CPQ: variants seen among roughly 807,000 people sequenced by gnomAD.
The protein encoded by CPQ is carboxypeptidase Q.
A neutral mutation model predicts 45.7 loss-of-function variants in CPQ; 37 were observed. The observed-to-expected ratio is 0.81, with a 90% confidence interval of 0.62 to 1.07. The LOEUF is 1.07. CPQ is among the 50% of genes least tolerant of loss of function. The probability of loss-of-function intolerance (pLI) is 0.00; values close to 1 mark genes in which losing one functional copy is unlikely to be tolerated. For missense variants in CPQ, 537 were observed against 572.9 expected (o/e 0.94, Z 0.64); for synonymous variants, 186 against 205.8 (o/e 0.90, Z 0.82).
chr8:96,905,168 G>C (rs1812560250), intron 4 of CPQ, among the ~76,000 whole-genome samples: 1 of 152,094 alleles, frequency 6.6e-6, no homozygotes, highest in Admixed American at 6.6e-5. Context: ...AGGAGAAAGA[G>C]AGAGAGAGAG....
At chr8:96,879,096 GT>G (rs372147941) in intron 3 of CPQ, among the ~76,000 whole-genome samples, 2 of 152,144 alleles carry the variant, frequency 1.3e-5, no homozygotes, top group African/African-American at 4.8e-5. Flanking sequence ...AATTATAAGT[GT>G]TTCTATGAAT....
intron 4 of CPQ, among the ~76,000 whole-genome samples, chr8:96,921,035 G>A (rs1354606304): frequency 6.6e-6 from 1 of 152,062 alleles, no homozygotes; most frequent in Non-Finnish European, 1.5e-5. Flanking sequence ...TATCACACAC[G>A]CCATTTGAAC....
At chr8:96,675,842 G>C (rs1215286425) in intron 1 of CPQ, among the ~76,000 whole-genome samples, 2 of 151,776 alleles carry the variant, frequency 1.3e-5, no homozygotes, top group African/African-American at 4.8e-5. Context: ...ATATTTTCTT[G>C]CTTTTAGAAA....
At chr8:96,952,671 A>G (rs1412445276) in intron 4 of CPQ, among the ~76,000 whole-genome samples, 1 of 152,150 alleles carries the variant, frequency 6.6e-6, no homozygotes, top group South Asian at 2.1e-4. Flanking sequence ...TCTTATTTAG[A>G]AATGTCTACA....
chr8:96,902,243 T>C (rs928624926), intron 4 of CPQ, among the ~76,000 whole-genome samples: 2 of 152,194 alleles, frequency 1.3e-5, no homozygotes, highest in Admixed American at 1.3e-4. Flanking sequence ...TGATTTTATA[T>C]ATGTAAGTCG....
At chr8:96,880,089 G>A (rs1044312635) in intron 4 of CPQ, 84 bp downstream of exon 4, 5 of 1,175,852 alleles carry the variant, frequency 4.3e-6, no homozygotes, top group Non-Finnish European at 5.0e-6. Context: ...AAGAGAGAAC[G>A]TGAAACCACC....
chr8:96,937,000 G>A (rs1430590807), intron 4 of CPQ, among the ~76,000 whole-genome samples: 2 of 151,584 alleles, frequency 1.3e-5, no homozygotes, highest in African/African-American at 2.4e-5. Context: ...TCCCTCTCTG[G>A]GTATTCCCTC....
intron 6 of CPQ, among the ~76,000 whole-genome samples, chr8:97,039,359 G>C (rs78980789): frequency 4.2e-4 from 64 of 151,988 alleles, no homozygotes; most frequent in Non-Finnish European, 8.2e-4. Flanking sequence ...CAATTTCACT[G>C]TTTAACCACA....
intron 3 of CPQ, among the ~76,000 whole-genome samples, chr8:96,840,308 C>G (rs1228076109): frequency 1.3e-5 from 2 of 152,062 alleles, no homozygotes; most frequent in African/African-American, 2.4e-5. Context: ...AGGAAGAGAC[C>G]AGGCTTGAAG....
chr8:96,741,364 T>A (rs1261355533), intron 1 of CPQ, among the ~76,000 whole-genome samples: 1 of 152,182 alleles, frequency 6.6e-6, no homozygotes, highest in African/African-American at 2.4e-5. Flanking sequence ...TTCTTCTCTC[T>A]TTTTTTCTTT....
At chr8:96,849,966 A>G (rs966859976) in intron 3 of CPQ, among the ~76,000 whole-genome samples, 1 of 152,182 alleles carries the variant, frequency 6.6e-6, no homozygotes, top group African/African-American at 2.4e-5. Flanking sequence ...ACAAGGACAC[A>G]TTATTTTTTA....
intron 1 of CPQ, among the ~76,000 whole-genome samples, chr8:96,697,779 A>G (rs1320272063): frequency 6.6e-6 from 1 of 152,140 alleles, no homozygotes; most frequent in Non-Finnish European, 1.5e-5. Flanking sequence ...ATAAAATTAA[A>G]TACCTAGGAA....
chr8:96,944,629 G>A (rs1813166000), intron 4 of CPQ, among the ~76,000 whole-genome samples: 2 of 152,278 alleles, frequency 1.3e-5, no homozygotes, highest in East Asian at 1.9e-4. Flanking sequence ...TCCACTGTAC[G>A]AGAGTGGATA....
At chr8:96,807,222 G>GT (rs35734880) in intron 2 of CPQ, among the ~76,000 whole-genome samples, 25,545 of 149,508 alleles carry the variant, frequency 0.17, 2,643 homozygotes, top group African/African-American at 0.29. Context: ...GAAAACTGCT[G>GT]TTTTTTTTTT....
At chr8:96,883,419 G>T (rs1003777542) in intron 4 of CPQ, among the ~76,000 whole-genome samples, 5 of 152,212 alleles carry the variant, frequency 3.3e-5, no homozygotes, top group African/African-American at 1.2e-4. Flanking sequence ...GAGCAATCAT[G>T]AGATTTAGGA....
intron 5 of CPQ, among the ~76,000 whole-genome samples, chr8:96,966,627 A>G (rs942518060): frequency 2.6e-5 from 4 of 152,228 alleles, no homozygotes; most frequent in African/African-American, 4.8e-5. Flanking sequence ...TATGATAACA[A>G]AAATGTCTCC....
chr8:97,000,568 C>G (rs1809261175), intron 5 of CPQ, among the ~76,000 whole-genome samples: 1 of 152,084 alleles, frequency 6.6e-6, no homozygotes, highest in Non-Finnish European at 1.5e-5. Context: ...GGCCTTATTT[C>G]TGGGCTCTCT....
intron 1 of CPQ, among the ~76,000 whole-genome samples, chr8:96,716,676 G>C (rs548871553): frequency 6.6e-6 from 1 of 152,250 alleles, no homozygotes; most frequent in African/African-American, 2.4e-5. Context: ...GGGAGGCTGA[G>C]ATGGGCAGAT....
At chr8:96,926,576 C>CTCTTCCTCTTCCTCTTCCTCT (rs1445697100) in intron 4 of CPQ, among the ~76,000 whole-genome samples, 9 of 75,036 alleles carry the variant, frequency 1.2e-4, no homozygotes, top group African/African-American at 4.9e-4. Flanking sequence ...CTTCCTCTTC[C>CTCTTCCTCTTCCTCTTCCTCT]TCTTCTTCTT....
Sources: allele counts gnomAD v4.1 joint callset (sites outside exome capture counted in the v4.1 genomes callset), GRCh38; gene constraint gnomAD v4.1.1; transcripts MANE v1.5; gene names NCBI Gene and HGNC (gene_info 2026-07-23, HGNC 2026-07-21).